The following ST6GALNAC5 variants were observed in gnomAD, a reference collection of about 807,000 sequenced individuals.
ST6GALNAC5 encodes alpha-N-acetylgalactosaminide alpha-2,6-sialyltransferase 5.
ST6GALNAC5 carries 27 observed loss-of-function variants against 33.6 expected under a neutral mutation model. That is an observed-to-expected ratio of 0.80 (90% CI 0.59 to 1.11). ST6GALNAC5 has a LOEUF of 1.11. Ranked by LOEUF, ST6GALNAC5 falls within the 50% of genes least tolerant of loss-of-function variation. The pLI, the probability that ST6GALNAC5 is intolerant of heterozygous loss-of-function variation, is 0.00. For synonymous variants in ST6GALNAC5, 194 were observed against 171.2 expected (o/e 1.13, Z -1.04); for missense variants, 428 against 454.0 (o/e 0.94, Z 0.52).
In ST6GALNAC5 at chr1:76,868,967, C is replaced by A; in HGVS notation, c.261+225C>A. On this transcript the variant is annotated intron_variant, in intron 2 of 4. Transcript: ENST00000477717. The surrounding 1 kb of genome is among the most constrained non-coding windows in gnomAD (Gnocchi z 4.3). ...AAAATAGGGGTGAGGTGCGTGGACCCCAAAGCCTAATTTCCCAGCAGAAAT... is the reference window on the plus strand; with the variant it reads ...AAAATAGGGGTGAGGTGCGTGGACCACAAAGCCTAATTTCCCAGCAGAAAT... 1.6e-6 allele frequency: 1 copy of A among 643,682 alleles called. No individual in the cohort carries two copies. Among genetic ancestry groups the A allele is most frequent in the Non-Finnish European group, 2.3e-6 (1 of 425,678 alleles). 39.9% of individuals were successfully genotyped at this position (643,682 alleles called of 1,614,324 possible). A position where few individuals can be genotyped will look rare whatever the true frequency, so the allele number is the denominator to read the frequency against.
At chr1:77,002,712 A>G (rs976145527) in intron 2 of ST6GALNAC5, among the ~76,000 whole-genome samples, 1 of 150,920 alleles carries the variant, frequency 6.6e-6, no homozygotes, top group African/African-American at 2.4e-5. Flanking sequence ...ATTGGTTTCA[A>G]AGAACATCTT....
chr1:76,978,907 C>T, intron 2 of ST6GALNAC5, among the ~76,000 whole-genome samples: 1 of 152,002 alleles, frequency 6.6e-6, no homozygotes, highest in African/African-American at 2.4e-5. Flanking sequence ...ACTGTTAGAA[C>T]TAATAAATAA....
intron 2 of ST6GALNAC5, among the ~76,000 whole-genome samples, chr1:76,991,081 C>A (rs966162052): frequency 1.3e-5 from 2 of 152,054 alleles, no homozygotes; most frequent in African/African-American, 4.8e-5. Flanking sequence ...TTGGCCAAAC[C>A]AAATCAACAG....
chr1:76,996,799 C>T (rs1182128822), intron 2 of ST6GALNAC5, among the ~76,000 whole-genome samples: 1 of 152,120 alleles, frequency 6.6e-6, no homozygotes, highest in Non-Finnish European at 1.5e-5. Flanking sequence ...GTGTTAGTGT[C>T]CCCATAGAAT....
chr1:77,018,757 T>C (rs1222984980), intron 2 of ST6GALNAC5, among the ~76,000 whole-genome samples: 2 of 152,260 alleles, frequency 1.3e-5, no homozygotes, highest in Admixed American at 6.5e-5. Context: ...TAGTGAGCTC[T>C]ACATAAGGGA....
intron 2 of ST6GALNAC5, among the ~76,000 whole-genome samples, chr1:77,025,186 G>GACA (rs910253526): frequency 6.6e-6 from 1 of 152,152 alleles, no homozygotes; most frequent in African/African-American, 2.4e-5. Flanking sequence ...CTTACGCGTG[G>GACA]ACACAATTTA....
intron 2 of ST6GALNAC5, among the ~76,000 whole-genome samples, chr1:77,011,182 A>G (rs149872363): frequency 4.2e-4 from 64 of 152,294 alleles, no homozygotes; most frequent in African/African-American, 1.5e-3. Flanking sequence ...CAGTAGGACA[A>G]TGACGATGAG....
At chr1:76,914,044 C>G (rs141625540) in intron 2 of ST6GALNAC5, among the ~76,000 whole-genome samples, 5,538 of 152,094 alleles carry the variant, frequency 0.036, 352 homozygotes, top group African/African-American at 0.13. Flanking sequence ...TCTTATACAC[C>G]AATAACAGAC....
chr1:76,984,681 C>G lies in ST6GALNAC5; in HGVS notation c.262-59523C>G, dbSNP rs370861986. On this transcript the variant is annotated intron_variant, in intron 2 of 4. Coordinates refer to ENST00000477717, the MANE Select transcript of ST6GALNAC5 (RefSeq NM_030965.3). ...CTCATTTTATGAGGCCAACATCATC[C>G]TGATACCAAAGGCTGGCAGAGACAC... 5.3e-5 allele frequency among the ~76,000 whole-genome samples: 8 copies of G among 152,332 alleles called. No individual in the cohort carries two copies. In the East Asian group the frequency reaches 5.8e-4, roughly 11 times the overall value.
intron 2 of ST6GALNAC5, among the ~76,000 whole-genome samples, chr1:77,025,078 C>T (rs970171411): frequency 6.6e-6 from 1 of 152,160 alleles, no homozygotes; most frequent in Non-Finnish European, 1.5e-5. Flanking sequence ...AAAGCCTGAT[C>T]GATTCTGAAG....
At chr1:76,924,153 A>G (rs1202523142) in intron 2 of ST6GALNAC5, among the ~76,000 whole-genome samples, 1 of 152,068 alleles carries the variant, frequency 6.6e-6, no homozygotes, top group Non-Finnish European at 1.5e-5. Context: ...CAGATAAAGA[A>G]GTAATATTTC....
At chr1:76,971,674 T>C (rs979204590) in intron 2 of ST6GALNAC5, among the ~76,000 whole-genome samples, 1 of 152,184 alleles carries the variant, frequency 6.6e-6, no homozygotes, top group African/African-American at 2.4e-5. Context: ...TCTTTCAGAA[T>C]ACTCACATTA....
chr1:77,058,761 T>C (rs1057060728), intron 4 of ST6GALNAC5, among the ~76,000 whole-genome samples: 4 of 152,242 alleles, frequency 2.6e-5, no homozygotes, highest in Non-Finnish European at 5.9e-5. Flanking sequence ...GAGCACTGTG[T>C]TCTGAGCTGA....
intron 2 of ST6GALNAC5, among the ~76,000 whole-genome samples, chr1:77,022,906 G>A (rs1446595293): frequency 6.6e-6 from 1 of 152,124 alleles, no homozygotes; most frequent in African/African-American, 2.4e-5. Flanking sequence ...GCCACATTGT[G>A]TCTCCCCAAA....
At chr1:76,979,925 G>C (rs1649179330) in intron 2 of ST6GALNAC5, among the ~76,000 whole-genome samples, 1 of 152,128 alleles carries the variant, frequency 6.6e-6, no homozygotes, top group Non-Finnish European at 1.5e-5. Context: ...CTGGGGGATA[G>C]AGTGAGACTC....
At chr1:76,897,114 G>A (rs1404331504) in intron 2 of ST6GALNAC5, among the ~76,000 whole-genome samples, 1 of 151,422 alleles carries the variant, frequency 6.6e-6, no homozygotes, top group African/African-American at 2.5e-5. Flanking sequence ...CTTGACTGAA[G>A]TAATGGGGGC....
At chr1:77,032,725 A>G (rs1651504524) in intron 2 of ST6GALNAC5, among the ~76,000 whole-genome samples, 1 of 152,154 alleles carries the variant, frequency 6.6e-6, no homozygotes, top group Non-Finnish European at 1.5e-5. Flanking sequence ...TCTCCACTCT[A>G]ACACTGTATT....
At chr1:76,954,279 C>T (rs1647864767) in intron 2 of ST6GALNAC5, among the ~76,000 whole-genome samples, 1 of 152,062 alleles carries the variant, frequency 6.6e-6, no homozygotes, top group African/African-American at 2.4e-5. Flanking sequence ...AATGCAGGAA[C>T]AGAAAACCAA....
intron 2 of ST6GALNAC5, among the ~76,000 whole-genome samples, chr1:76,936,953 G>GGCGTGTGTGTGTGTGTGTGT (rs138095164): frequency 0.085 from 11,888 of 139,850 alleles, 1,079 homozygotes; most frequent in Non-Finnish European, 0.099. Context: ...AGAGAAGCAG[G>GGCGTGTGTGTGTGTGTGTGT]GTGTGTGTGT....
Sources: allele counts gnomAD v4.1 joint callset (sites outside exome capture counted in the v4.1 genomes callset), GRCh38; gene constraint gnomAD v4.1.1; non-coding constraint Gnocchi (gnomAD v3.1); transcripts MANE v1.5; gene names NCBI Gene and HGNC (gene_info 2026-07-23, HGNC 2026-07-21).